LRRTM4: variants seen among roughly 807,000 people sequenced by gnomAD.
The protein encoded by LRRTM4 is leucine rich repeat transmembrane neuronal 4, also known as leucine-rich repeat transmembrane neuronal protein 4.
In LRRTM4, 25 loss-of-function variants were observed where a neutral mutation model predicts 47.6. The observed-to-expected ratio is 0.53, with a 90% CI of 0.38 to 0.73. The LOEUF is 0.73. Ranked by LOEUF, LRRTM4 falls within the 30% of genes least tolerant of loss-of-function variation. The pLI, the probability that LRRTM4 is intolerant of heterozygous loss-of-function variation, is 0.00. For missense variants in LRRTM4, 638 were observed against 713.4 expected (o/e 0.89, Z 1.20); for synonymous variants, 311 against 269.5 (o/e 1.15, Z -1.51).
At chr2:76,801,051 T>C (rs1386231600) in intron 3 of LRRTM4, among the ~76,000 whole-genome samples, 9 of 149,310 alleles carry the variant, frequency 6.0e-5, no homozygotes, top group African/African-American at 2.2e-4. Flanking sequence ...AGGAACACTT[T>C]TACACTGTTG....
chr2:77,519,717 G>C lies in LRRTM4; in HGVS notation c.152C>G (p.Ala51Gly). The C allele has an allele frequency of 6.2e-7, 1 of 1,613,402 alleles. No individual in the cohort carries two copies. Among genetic ancestry groups the C allele is most frequent in the Non-Finnish European group, 8.5e-7 (1 of 1,179,586 alleles). The part of the protein sequence containing the change: ...DGKIVYCESH[A>G]FADIPENISG... ...AATGTTCTCAGGGATATCTGCGAAA[G>C]CATGAGACTCACAGTACACAATTTT... The change falls in exon 3 of 4, where the codon GCT (alanine) becomes GGT (glycine). Residue 51 changes from alanine (A) to glycine (G), a missense_variant. Transcript: ENST00000409884. The surrounding 1 kb of genome is among the most constrained non-coding windows in gnomAD (Gnocchi z 4.6).
At chr2:77,444,576 T>A (rs1339460850) in intron 3 of LRRTM4, among the ~76,000 whole-genome samples, 1 of 152,062 alleles carries the variant, frequency 6.6e-6, no homozygotes, top group African/African-American at 2.4e-5. Context: ...TTGAATTTAG[T>A]ATTTCACTTC....
chr2:77,304,150 A>C (rs1256862536), intron 3 of LRRTM4, among the ~76,000 whole-genome samples: 1 of 152,164 alleles, frequency 6.6e-6, no homozygotes, highest in South Asian at 2.1e-4. Context: ...TTCTAACAGA[A>C]ATGAAGTGAT....
intron 3 of LRRTM4, among the ~76,000 whole-genome samples, chr2:77,311,057 C>T (rs1425593125): frequency 6.6e-6 from 1 of 150,398 alleles, no homozygotes; most frequent in African/African-American, 2.5e-5. Flanking sequence ...TATATACACA[C>T]ACATATATAT....
intron 3 of LRRTM4, among the ~76,000 whole-genome samples, chr2:76,894,664 G>T (rs958570039): frequency 6.6e-6 from 1 of 151,896 alleles, no homozygotes; most frequent in African/African-American, 2.4e-5. Context: ...GCCACTATTA[G>T]AAATCTTTTG....
At chr2:76,859,192 AC>A (rs751254708) in intron 3 of LRRTM4, among the ~76,000 whole-genome samples, 8 of 152,200 alleles carry the variant, frequency 5.3e-5, no homozygotes, top group Admixed American at 4.6e-4. Context: ...GGTGAAGGAT[AC>A]TGGTTGAGTG....
At chr2:76,828,648 T>C (rs529342489) in intron 3 of LRRTM4, among the ~76,000 whole-genome samples, 1 of 152,100 alleles carries the variant, frequency 6.6e-6, no homozygotes, top group Admixed American at 6.6e-5. Flanking sequence ...TTTGTGTTTT[T>C]AGAAACAGTT....
chr2:77,119,358 G>T (rs1221638417), intron 3 of LRRTM4, among the ~76,000 whole-genome samples: 1 of 151,738 alleles, frequency 6.6e-6, no homozygotes, highest in East Asian at 1.9e-4. Context: ...ATTTGTTAAG[G>T]TACAATTTTC....
intron 3 of LRRTM4, among the ~76,000 whole-genome samples, chr2:76,749,823 A>G (rs999513752): frequency 1.3e-5 from 2 of 152,222 alleles, no homozygotes; most frequent in African/African-American, 4.8e-5. Flanking sequence ...TGTTGTTCTC[A>G]TGCTAGAATA....
chr2:77,024,480 C>T (rs1322371261), intron 3 of LRRTM4, among the ~76,000 whole-genome samples: 1 of 140,528 alleles, frequency 7.1e-6, no homozygotes, highest in Non-Finnish European at 1.5e-5. Flanking sequence ...TCATTGGTTG[C>T]AAAGGGTCTA....
chr2:77,291,615 T>C (rs1031625581), intron 3 of LRRTM4, among the ~76,000 whole-genome samples: 5 of 152,086 alleles, frequency 3.3e-5, no homozygotes, highest in Non-Finnish European at 7.4e-5. Flanking sequence ...AAAATCTTAA[T>C]GAGATAAAAT....
chr2:77,437,005 T>G (rs1399150050), intron 3 of LRRTM4, among the ~76,000 whole-genome samples: 1 of 151,934 alleles, frequency 6.6e-6, no homozygotes. Flanking sequence ...AGAACTCTTA[T>G]GTGTCTGGTT....
chr2:76,799,273 C>G lies in LRRTM4; in HGVS notation c.1552-50357G>C, dbSNP rs1234147039. ...CCACCATGATCAAGTGGGCTTCATC[C>G]CTGGGATGCAAGGCTGGTTCAATAT... On this transcript the variant is annotated intron_variant, in intron 3 of 3. Coordinates refer to ENST00000409884, the MANE Select transcript of LRRTM4 (RefSeq NM_001134745.3). 7.1e-5 allele frequency among the ~76,000 whole-genome samples: 8 copies of G among 112,496 alleles called. 2 individuals are homozygous for G. Among genetic ancestry groups the G allele is most frequent in the Non-Finnish European group, 1.4e-4 (8 of 58,774 alleles). The allele number at this position is 112,496 out of a possible 152,430, so 73.8% of individuals were successfully genotyped here.
chr2:76,842,764 T>C (rs1210567760), intron 3 of LRRTM4, among the ~76,000 whole-genome samples: 4 of 152,306 alleles, frequency 2.6e-5, no homozygotes, highest in South Asian at 4.1e-4. Context: ...CTGGGATACA[T>C]GTGCAGAATG....
chr2:76,947,287 C>T (rs952602573), intron 3 of LRRTM4, among the ~76,000 whole-genome samples: 1 of 151,770 alleles, frequency 6.6e-6, no homozygotes, highest in Non-Finnish European at 1.5e-5. Context: ...CTCACTGTAC[C>T]CCTGTTATTA....
intron 3 of LRRTM4, among the ~76,000 whole-genome samples, chr2:77,301,501 T>C (rs961765988): frequency 1.3e-5 from 2 of 152,180 alleles, no homozygotes; most frequent in Admixed American, 1.3e-4. Flanking sequence ...AAGTAGTAAT[T>C]ACTACTAACA....
chr2:76,942,839 C>G (rs778971149), intron 3 of LRRTM4, among the ~76,000 whole-genome samples: 5 of 151,844 alleles, frequency 3.3e-5, no homozygotes, highest in Non-Finnish European at 7.4e-5. Flanking sequence ...GCTTCTAATT[C>G]CAAAATGAAT....
Position 77,371,578 on chromosome 2 carries a change from T to C in LRRTM4, c.1551+146740A>G, listed in dbSNP as rs537070216. On this transcript the variant is annotated intron_variant, in intron 3 of 3. Transcript: ENST00000409884. ...CTTTTACTGCCACAACCATCCTTTC[T>C]CTCTTTTCATCAATGACATAGAATG... 1.9e-3 allele frequency among the ~76,000 whole-genome samples: 296 copies of C among 151,916 alleles called. 1 individual carries two copies. The highest frequency in any genetic ancestry group is 6.9e-3 in the African/African-American group (288 of 41,510).
chr2:76,931,904 A>G (rs1037105868), intron 3 of LRRTM4, among the ~76,000 whole-genome samples: 1 of 152,146 alleles, frequency 6.6e-6, no homozygotes, highest in African/African-American at 2.4e-5. Flanking sequence ...GATAGAGTGC[A>G]TTAAGTTGAG....
Sources: gnomAD v4.1 joint callset for allele counts (sites outside exome capture counted in the v4.1 genomes callset) on GRCh38, gnomAD v4.1.1 for gene constraint, Gnocchi (gnomAD v3.1) non-coding constraint, MANE v1.5 for transcripts, NCBI Gene and HGNC (gene_info 2026-07-23, HGNC 2026-07-21) for gene names.